Variants in C8orf34 observed in about 807,000 individuals in gnomAD.
C8orf34 encodes the protein uncharacterized protein C8orf34.
Under a neutral mutation model 68.3 loss-of-function variants are expected in C8orf34, and 65 were observed. That is an observed-to-expected ratio of 0.95 (90% confidence interval 0.78 to 1.17). C8orf34 has a LOEUF of 1.17. C8orf34 is among the 50% of genes most tolerant of loss of function. The probability of loss-of-function intolerance (pLI) is 0.00; values close to 1 mark genes in which losing one functional copy is unlikely to be tolerated. For synonymous variants in C8orf34, 244 were observed against 241.2 expected, an observed-to-expected ratio of 1.01 and a Z score of -0.11; for missense variants, 664 against 655.4, an observed-to-expected ratio of 1.01 and a Z score of -0.14.
chr8:68,683,192 T>G (rs1172611340), intron 8 of C8orf34, among the ~76,000 whole-genome samples: 2 of 152,040 alleles, frequency 1.3e-5, no homozygotes, highest in Non-Finnish European at 2.9e-5. Flanking sequence ...TGGTGTCAAA[T>G]AATTTCAATT....
At position 68,798,347 on chromosome 8, in the gene C8orf34, T is replaced by C. The variant is rs528168668; in HGVS notation, c.1549+10811T>C. 1.2e-3 allele frequency among the ~76,000 whole-genome samples: 177 copies of C among 148,258 alleles called. 1 individual carries two copies. The highest frequency in any genetic ancestry group is 4.3e-3 in the African/African-American group (170 of 39,960). ...TTCTGTCACCCAGGCTGAAGTGCAG[T>C]GTGCAGTGGCGTGATCACAGCTCAC... On this transcript the variant is annotated intron_variant, in intron 12 of 13. Coordinates refer to ENST00000518698, the MANE Select transcript of C8orf34 (RefSeq NM_052958.4).
chr8:68,749,874 G>A (rs769517726), intron 10 of C8orf34, among the ~76,000 whole-genome samples: 4 of 152,174 alleles, frequency 2.6e-5, no homozygotes, highest in Non-Finnish European at 2.9e-5. Context: ...CTGTTCATGA[G>A]TTGGTGGACA....
chr8:68,397,466 A>T (rs1022749789), intron 1 of C8orf34, among the ~76,000 whole-genome samples: 1 of 152,174 alleles, frequency 6.6e-6, no homozygotes, highest in Non-Finnish European at 1.5e-5. Context: ...ATATTTTTAC[A>T]TTTAGCAATT....
In C8orf34 at chr8:68,699,286, C is replaced by CCA. The variant is rs1820921689; in HGVS notation, c.1242-9707_1242-9706dup. Among the ~76,000 whole-genome samples the CCA allele has an allele frequency of 2.0e-5, 3 of 152,038 alleles. No homozygotes were observed. The South Asian group carries it at 6.2e-4, about 32-fold the overall frequency. On this transcript the variant is annotated intron_variant, in intron 8 of 13. Coordinates refer to ENST00000518698, the MANE Select transcript of C8orf34 (RefSeq NM_052958.4). ...AGGCTGAAAGCACACTCACACTTCA[C>CCA]CAGATCCTTTTATAGACATGAAACC... is the stretch of plus-strand genomic sequence containing the variant.
At chr8:68,422,856 T>C (rs1479816891) in intron 1 of C8orf34, among the ~76,000 whole-genome samples, 2 of 152,196 alleles carry the variant, frequency 1.3e-5, no homozygotes, top group Non-Finnish European at 2.9e-5. Flanking sequence ...TTGTCTTCTG[T>C]GCACCTACAG....
intron 8 of C8orf34, among the ~76,000 whole-genome samples, chr8:68,707,876 G>A (rs1821215912): frequency 1.3e-5 from 2 of 152,178 alleles, no homozygotes; most frequent in Admixed American, 1.3e-4. Context: ...TTGATAGAAT[G>A]GTCCTGGACA....
rs1430339594 is a variant in C8orf34, at chr8:68,588,665, T to G, written c.1106-51711T>G. On this transcript the variant is annotated intron_variant, in intron 7 of 13. Transcript: ENST00000518698. ...AAAGTCCAATGTGTGGTCATTAGGG[T>G]CATTAGATAGGTCTTCATGCATTTG... Among the ~76,000 whole-genome samples, 5 of 152,106 alleles carry G rather than the reference T, an allele frequency of 3.3e-5. No individual in the cohort carries two copies. The East Asian group carries it at 5.8e-4, about 18-fold the overall frequency.
chr8:68,566,392 TATAAG>T (rs2130221103), intron 7 of C8orf34, among the ~76,000 whole-genome samples: 1 of 152,298 alleles, frequency 6.6e-6, no homozygotes, highest in Non-Finnish European at 1.5e-5. Context: ...AGCTCCCACT[TATAAG>T]AGAGAACATG....
At chr8:68,705,412 C>T (rs535976117) in intron 8 of C8orf34, among the ~76,000 whole-genome samples, 4 of 152,080 alleles carry the variant, frequency 2.6e-5, no homozygotes, top group South Asian at 4.2e-4. Flanking sequence ...GTCAGATATG[C>T]AGGAGAGAGA....
intron 1 of C8orf34, among the ~76,000 whole-genome samples, chr8:68,392,433 A>G (rs1166540149): frequency 6.6e-6 from 1 of 151,960 alleles, no homozygotes; most frequent in Non-Finnish European, 1.5e-5. Context: ...AAACTCTGGA[A>G]GCAAAATAAT....
chr8:68,817,990 C>T (rs946812430), intron 13 of C8orf34, among the ~76,000 whole-genome samples: 15 of 151,982 alleles, frequency 9.9e-5, no homozygotes, highest in African/African-American at 2.7e-4. Flanking sequence ...TGTAATTCAA[C>T]GAGATTCGGG....
At chr8:68,799,626 G>T (rs957855604) in intron 12 of C8orf34, among the ~76,000 whole-genome samples, 2 of 152,086 alleles carry the variant, frequency 1.3e-5, no homozygotes, top group African/African-American at 4.8e-5. Context: ...CCCCCTTAAA[G>T]CAATCATATT....
chr8:68,776,831 T>A (rs7817788), intron 11 of C8orf34, among the ~76,000 whole-genome samples: 1 of 152,074 alleles, frequency 6.6e-6, no homozygotes, highest in African/African-American at 2.4e-5. Flanking sequence ...AGGTCTGGAT[T>A]CATTCATGGG....
At chr8:68,418,639 A>G (rs1029952866) in intron 1 of C8orf34, among the ~76,000 whole-genome samples, 2 of 152,200 alleles carry the variant, frequency 1.3e-5, no homozygotes, top group Non-Finnish European at 2.9e-5. Flanking sequence ...AGAGATATAG[A>G]TCAACGGAAC....
chr8:68,427,779 T>C (rs1205498222), intron 1 of C8orf34, among the ~76,000 whole-genome samples: 1 of 151,980 alleles, frequency 6.6e-6, no homozygotes, highest in Non-Finnish European at 1.5e-5. Context: ...TTTCAAGATA[T>C]CAACATTGAA....
At chr8:68,736,114 A>C (rs1340163137) in intron 10 of C8orf34, among the ~76,000 whole-genome samples, 11 of 152,174 alleles carry the variant, frequency 7.2e-5, no homozygotes, top group Non-Finnish European at 1.6e-4. Flanking sequence ...TGTATATTAC[A>C]AGTTAAAGCA....
At chr8:68,679,724 A>T (rs1281362629) in intron 8 of C8orf34, among the ~76,000 whole-genome samples, 1 of 152,208 alleles carries the variant, frequency 6.6e-6, no homozygotes, top group Non-Finnish European at 1.5e-5. Flanking sequence ...ACTGGCATAA[A>T]AACAGACACA....
chr8:68,697,391 A>G (rs1820865994), intron 8 of C8orf34, among the ~76,000 whole-genome samples: 1 of 151,950 alleles, frequency 6.6e-6, no homozygotes, highest in African/African-American at 2.4e-5. Flanking sequence ...TCCTCCCATT[A>G]CTTTCAGGAT....
chr8:68,624,056 A>C (rs999004227), intron 7 of C8orf34, among the ~76,000 whole-genome samples: 5 of 152,018 alleles, frequency 3.3e-5, no homozygotes, highest in Admixed American at 2.0e-4. Context: ...GTGGATCACG[A>C]GGTCAGGAGT....
Sources: allele counts gnomAD v4.1 joint callset (sites outside exome capture counted in the v4.1 genomes callset), GRCh38; gene constraint gnomAD v4.1.1; transcripts MANE v1.5; gene names NCBI Gene and HGNC (gene_info 2026-07-23, HGNC 2026-07-21).